The following LIMCH1 variants were observed in gnomAD, a reference collection of about 807,000 sequenced individuals.
The protein encoded by LIMCH1 is LIM and calponin homology domains 1.
Under a neutral mutation model 176.5 loss-of-function variants are expected in LIMCH1, and 113 were observed. The ratio of observed to expected loss-of-function variants is 0.64; its 90% CI spans 0.55 to 0.75. LIMCH1 has a LOEUF of 0.75. Ranked by LOEUF, LIMCH1 falls within the 30% of genes least tolerant of loss-of-function variation. The pLI is 0.00. For synonymous variants in LIMCH1, 619 were observed against 645.9 expected, an observed-to-expected ratio of 0.96 and a Z score of 0.63; for missense variants, 1,674 against 1,814.9, an observed-to-expected ratio of 0.92 and a Z score of 1.41.
intron 1 of LIMCH1, among the ~76,000 whole-genome samples, chr4:41,484,136 G>C (rs2069116597): frequency 1.3e-5 from 2 of 152,216 alleles, no homozygotes; most frequent in Non-Finnish European, 2.9e-5. Flanking sequence ...TTATCATTCA[G>C]CTATTTCTTC....
chr4:41,368,949 G>C (rs2053535744), intron 1 of LIMCH1, among the ~76,000 whole-genome samples: 1 of 152,216 alleles, frequency 6.6e-6, no homozygotes, highest in Non-Finnish European at 1.5e-5. Flanking sequence ...TTAGCAGGAA[G>C]GGGCTGCGGG....
Position 41,646,857 on chromosome 4 carries a change from G to A in LIMCH1, c.2784G>A (p.Gln928=). 6.2e-7 allele frequency: 1 copy of A among 1,613,896 alleles called. No homozygotes were observed. The highest frequency in any genetic ancestry group is 8.5e-7 in the Non-Finnish European group (1 of 1,179,864). ...TGCTGACACCCAAGCCTTACTCCCA[G>A]CCCAAAAATTCTCAAGATGTTCTGA... ...VPMLTPKPYS[Q]PKNSQDVLKT... Residue 928 remains glutamine (Q), a synonymous_variant, in exon 17 of 32, where the codon CAG becomes CAA. Transcript: ENST00000503057.
At chr4:41,517,503 T>G (rs2075701523) in intron 2 of LIMCH1, among the ~76,000 whole-genome samples, 1 of 152,164 alleles carries the variant, frequency 6.6e-6, no homozygotes, top group Admixed American at 6.5e-5. Context: ...TCTTCTTAGG[T>G]GTGCTCCAGG....
intron 1 of LIMCH1, among the ~76,000 whole-genome samples, chr4:41,472,161 T>C (rs1177074846): frequency 6.6e-6 from 1 of 152,238 alleles, no homozygotes; most frequent in African/African-American, 2.4e-5. Context: ...TTGTTTTTGC[T>C]TAAATATTAG....
At chr4:41,488,718 T>TA (rs1341040543) in intron 1 of LIMCH1, among the ~76,000 whole-genome samples, 1 of 152,174 alleles carries the variant, frequency 6.6e-6, no homozygotes, top group Non-Finnish European at 1.5e-5. Context: ...TTGAAAAATT[T>TA]AAAAAGTAAA....
chr4:41,614,685 T>A lies in LIMCH1; in HGVS notation c.205+1024T>A, dbSNP rs79781687. ...CACAGTATCTCATTTAGTCCTCAGC[T>A]GAGATTTTAGAGATACTCACTCAGT... On this transcript the variant is annotated intron_variant, in intron 5 of 31. Coordinates refer to ENST00000503057, the MANE Select transcript of LIMCH1 (RefSeq NM_001330672.2). 4.9e-3 allele frequency among the ~76,000 whole-genome samples: 747 copies of A among 152,306 alleles called. 8 individuals are homozygous for A. Among genetic ancestry groups the A allele is most frequent in the African/African-American group, 0.017 (714 of 41,566 alleles).
intron 2 of LIMCH1, among the ~76,000 whole-genome samples, chr4:41,514,302 G>C (rs1269531787): frequency 6.6e-6 from 1 of 152,164 alleles, no homozygotes; most frequent in Non-Finnish European, 1.5e-5. Context: ...GGAAGCCAAA[G>C]AGTGTTGGGA....
intron 1 of LIMCH1, among the ~76,000 whole-genome samples, chr4:41,584,076 G>A (rs932986254): frequency 6.6e-6 from 1 of 152,116 alleles, no homozygotes; most frequent in Non-Finnish European, 1.5e-5. Context: ...CTATACGCCT[G>A]TTTCTTTTCC....
intron 1 of LIMCH1, among the ~76,000 whole-genome samples, chr4:41,369,866 G>A (rs1367998647): frequency 3.3e-5 from 5 of 150,458 alleles, no homozygotes; most frequent in Non-Finnish European, 7.4e-5. Context: ...GCCCAGCTAC[G>A]GTTGCCTGAT....
chr4:41,370,612 A>G (rs1169180211), intron 1 of LIMCH1, among the ~76,000 whole-genome samples: 1 of 152,178 alleles, frequency 6.6e-6, no homozygotes, highest in Admixed American at 6.5e-5. Flanking sequence ...GCAAGATGTC[A>G]TAAATAGGAG....
intron 23 of LIMCH1, among the ~76,000 whole-genome samples, chr4:41,677,261 A>ATTAGCCGGGCGTGGTGTCACATGC (rs1711560671): frequency 1.3e-5 from 2 of 151,544 alleles, no homozygotes; most frequent in African/African-American, 4.9e-5. Context: ...AAAATACAAA[A>ATTAGCCGGGCGTGGTGTCACATGC]TTAGCCGGGC....
At chr4:41,513,390 C>T (rs373628378) in intron 2 of LIMCH1, among the ~76,000 whole-genome samples, 12 of 152,260 alleles carry the variant, frequency 7.9e-5, no homozygotes, top group East Asian at 5.8e-4. Flanking sequence ...ATTTCTGCTG[C>T]ACGCCCAGTA....
rs2078163107 is a variant in LIMCH1, at chr4:41,538,185, G to A, written c.-406G>A. On this transcript the variant is annotated 5_prime_UTR_variant, in exon 1 of 32. Coordinates refer to ENST00000503057, the MANE Select transcript of LIMCH1 (RefSeq NM_001330672.2). ...ATTTCAGCCGCAGCAGCCTGCTTGT[G>A]GACAGAGCAGGGGTTGGCAGTGGTG... The A allele has an allele frequency of 1.0e-6, 1 of 985,612 alleles. No individual in the cohort carries two copies. Among genetic ancestry groups the A allele is most frequent in the Non-Finnish European group, 1.2e-6 (1 of 830,050 alleles). The allele number at this position is 985,612 out of a possible 1,614,324, so 61.1% of individuals were successfully genotyped here.
chr4:41,488,135 C>G (rs948016885), intron 1 of LIMCH1, among the ~76,000 whole-genome samples: 1 of 152,092 alleles, frequency 6.6e-6, no homozygotes, highest in Non-Finnish European at 1.5e-5. Context: ...TGTAGCTAAA[C>G]TTTGTTGGGC....
chr4:41,389,738 C>G (rs2056985452), intron 1 of LIMCH1: 1 of 152,180 alleles, frequency 6.6e-6, no homozygotes, highest in Admixed American at 6.5e-5. Context: ...GAGTCCTGGG[C>G]CTGACCTCAG....
chr4:41,413,662 G>T (rs2059683821), intron 1 of LIMCH1, among the ~76,000 whole-genome samples: 3 of 152,036 alleles, frequency 2.0e-5, no homozygotes, highest in Admixed American at 2.0e-4. Flanking sequence ...AGCAATAGTA[G>T]TATAAAGACC....
chr4:41,650,223 A>G (rs2094231951), intron 17 of LIMCH1, among the ~76,000 whole-genome samples, 170 bp from the exon 18 acceptor site: 1 of 152,238 alleles, frequency 6.6e-6, no homozygotes, highest in South Asian at 2.1e-4. Context: ...GATAGCATTT[A>G]TAGAAGCCCT....
Position 41,620,448 on chromosome 4 carries a change from G to A in LIMCH1, c.483G>A (p.Glu161=). ...GCTTTCCTGAAACGATAGAGGAAGA[G>A]GGGAGTGAAGTGGGGTCTGCTGGTG... is the stretch of plus-strand genomic sequence containing the variant. ...PFSFPETIEE[E]GSEVGSAGED... is the part of the protein sequence containing the mutation. The change falls in exon 7 of 32, where the codon GAG becomes GAA. Residue 161 remains glutamate (E), a synonymous_variant. Coordinates refer to ENST00000503057, the MANE Select transcript of LIMCH1 (RefSeq NM_001330672.2). The A allele has an allele frequency of 3.3e-6, 5 of 1,536,116 alleles. No individual in the cohort carries two copies. The South Asian group carries it at 4.8e-5, about 15-fold the overall frequency.
Position 41,662,915 on chromosome 4 carries a change from G to A in LIMCH1, c.3222G>A (p.Ser1074=), listed in dbSNP as rs199939944. ...PSSPQLKNDV[S]EEKDQKKPEN... ...GCCCCCAGCTGAAGAATGATGTGTC[G>A]GAAGAAAAAGACCAGAAGAAACCAG... Residue 1074 remains serine, a synonymous_variant, in exon 20 of 32, where the codon TCG becomes TCA. Transcript: ENST00000503057. 228 of 1,613,782 alleles carry A rather than the reference G, an allele frequency of 1.4e-4. 2 individuals carry two copies. Among genetic ancestry groups the A allele is most frequent in the Admixed American group, 4.8e-4 (29 of 59,942 alleles).
Sources: gnomAD v4.1 joint callset for allele counts (sites outside exome capture counted in the v4.1 genomes callset) on GRCh38, gnomAD v4.1.1 for gene constraint, MANE v1.5 for transcripts, NCBI Gene and HGNC (gene_info 2026-07-23, HGNC 2026-07-21) for gene names.